The following STS variants were observed in gnomAD, a reference collection of about 807,000 sequenced individuals.
The protein encoded by STS is steroid sulfatase, also known as steryl-sulfatase.
A neutral mutation model predicts 26.8 loss-of-function variants in STS; 7 were observed. The ratio of observed to expected loss-of-function variants is 0.26; its 90% CI spans 0.15 to 0.49. The LOEUF is 0.49. Ranked by LOEUF, STS falls within the 20% of genes least tolerant of loss-of-function variation. The pLI is 0.98. For missense variants in STS, 434 were observed against 465.6 expected, an observed-to-expected ratio of 0.93 and a Z score of 0.63; for synonymous variants, 199 against 189.4, an observed-to-expected ratio of 1.05 and a Z score of -0.42.
At chrX:7,324,801 T>G in intron 8 of STS, among the ~76,000 whole-genome samples, 1 of 111,680 alleles carries the variant, frequency 9.0e-6, no homozygotes, top group African/African-American at 3.3e-5. Context: ...GCTTAGAATT[T>G]TATTTTTGGT....
At chrX:7,148,186 C>G in intron 1 of STS, 103 bp downstream of exon 1, 1 of 716,732 alleles carries the variant, frequency 1.4e-6, no homozygotes, top group Non-Finnish European at 2.0e-6. Context: ...CGCACGCGCA[C>G]TGAGGACCTT....
chrX:7,150,930 A>G (rs1393268482), intron 1 of STS, among the ~76,000 whole-genome samples: 1 of 112,317 alleles, frequency 8.9e-6, no homozygotes, highest in African/African-American at 3.2e-5. Context: ...TCCATGAATT[A>G]CAGTTTACTT....
At chrX:7,302,295 C>T (rs900239576) in intron 7 of STS, among the ~76,000 whole-genome samples, 1 of 111,329 alleles carries the variant, frequency 9.0e-6, no homozygotes, top group Non-Finnish European at 1.9e-5. Context: ...AAAGTATAAA[C>T]GGGGGTTATA....
chrX:7,188,807 A>G (rs923727835), intron 1 of STS, among the ~76,000 whole-genome samples: 3 of 111,678 alleles, frequency 2.7e-5, no homozygotes, highest in Non-Finnish European at 3.8e-5. Flanking sequence ...GAGACGCCCA[A>G]TTGTTCAAAC....
chrX:7,180,193 TATA>T (rs1480698455), intron 1 of STS, among the ~76,000 whole-genome samples: 1 of 111,435 alleles, frequency 9.0e-6, no homozygotes, highest in Non-Finnish European at 1.9e-5. Context: ...ATTATTACAT[TATA>T]ATACGTAATA....
intron 7 of STS, among the ~76,000 whole-genome samples, chrX:7,298,464 A>G (rs761299943): frequency 8.9e-6 from 1 of 111,754 alleles, no homozygotes; most frequent in Non-Finnish European, 1.9e-5. Context: ...TGAAATGGAC[A>G]TTGTATCAAA....
At chrX:7,204,853 C>G (rs1249729768) in intron 2 of STS, among the ~76,000 whole-genome samples, 5 of 107,557 alleles carry the variant, frequency 4.6e-5, no homozygotes, top group Non-Finnish European at 9.6e-5. Flanking sequence ...CTTCCTTCCT[C>G]TTTGCTTGCC....
chrX:7,255,310 A>G (rs1253614631), intron 3 of STS, among the ~76,000 whole-genome samples: 4 of 112,264 alleles, frequency 3.6e-5, no homozygotes, highest in Non-Finnish European at 7.5e-5. Context: ...CTACTTTTGT[A>G]AAATGTTTAC....
chrX:7,184,358 TC>T lies in STS; in HGVS notation c.-133-6519del, dbSNP rs751964166. 8.9e-5 allele frequency among the ~76,000 whole-genome samples: 10 copies of T among 112,465 alleles called. No individual in the cohort carries two copies. In the East Asian group the frequency reaches 2.8e-3, roughly 32 times the overall value. On this transcript the variant is annotated intron_variant, in intron 1 of 10. Transcript: ENST00000674429. ...TCGTGGTCTTGAAATAAACCCAGAC[TC>T]CCTGCAGCATGACTGAGTTTCCACC... is the stretch of plus-strand genomic sequence containing the variant.
At chrX:7,158,167 T>A (rs1933172798) in intron 1 of STS, among the ~76,000 whole-genome samples, 1 of 111,523 alleles carries the variant, frequency 9.0e-6, no homozygotes, top group African/African-American at 3.3e-5. Context: ...CTCAGAGAGG[T>A]TGATATTTGA....
intron 8 of STS, among the ~76,000 whole-genome samples, chrX:7,323,848 G>T (rs1013350826): frequency 9.0e-6 from 1 of 111,098 alleles, no homozygotes; most frequent in African/African-American, 3.3e-5. Context: ...TGCATTCCTG[G>T]GCTTGGGGTG....
chrX:7,302,688 C>A (rs1051877240), intron 7 of STS, among the ~76,000 whole-genome samples: 3 of 111,961 alleles, frequency 2.7e-5, no homozygotes, highest in African/African-American at 9.7e-5. Context: ...CATCAGAAAT[C>A]ATCTCTGCCA....
chrX:7,234,337 A>T (rs1299274294), intron 2 of STS, among the ~76,000 whole-genome samples: 2 of 112,453 alleles, frequency 1.8e-5, no homozygotes, highest in African/African-American at 6.5e-5. Flanking sequence ...AGGAGACTGA[A>T]TTCTGCCCAG....
intron 2 of STS, among the ~76,000 whole-genome samples, chrX:7,198,209 T>G (rs928046827): frequency 4.3e-4 from 47 of 110,427 alleles, no homozygotes; most frequent in Admixed American, 7.8e-4. Context: ...GGAGACTGAG[T>G]TTTTTTTAAG....
chrX:7,252,456 C>A, intron 2 of STS: 1 of 164,801 alleles, frequency 6.1e-6, no homozygotes, highest in Non-Finnish European at 1.0e-5. Flanking sequence ...TATTTGCTGC[C>A]AACATAAGCT....
chrX:7,170,337 G>A (rs1933442427), intron 1 of STS, among the ~76,000 whole-genome samples: 1 of 111,165 alleles, frequency 9.0e-6, no homozygotes, highest in African/African-American at 3.3e-5. Context: ...GGGGTACGGG[G>A]GGTGTCGAAC....
chrX:7,231,769 C>G (rs1329491439), intron 2 of STS, among the ~76,000 whole-genome samples: 1 of 110,076 alleles, frequency 9.1e-6, no homozygotes, highest in Admixed American at 9.8e-5. Context: ...GCAGTCAGCT[C>G]TTCTCTCACT....
At chrX:7,148,667 C>T (rs1167124325) in intron 1 of STS, among the ~76,000 whole-genome samples, 1 of 112,139 alleles carries the variant, frequency 8.9e-6, no homozygotes, top group Non-Finnish European at 1.9e-5. Context: ...TTCTCAGTTT[C>T]GCTTGCCCGC....
At chrX:7,168,923 G>C (rs1933406443) in intron 1 of STS, among the ~76,000 whole-genome samples, 1 of 111,376 alleles carries the variant, frequency 9.0e-6, no homozygotes, top group African/African-American at 3.3e-5. Flanking sequence ...GATATCAGAA[G>C]GCTTTATGGT....
Sources: gnomAD v4.1 joint callset for allele counts (sites outside exome capture counted in the v4.1 genomes callset) on GRCh38, gnomAD v4.1.1 for gene constraint, MANE v1.5 for transcripts, NCBI Gene and HGNC (gene_info 2026-07-23, HGNC 2026-07-21) for gene names.